The following PRKCZ variants were observed in gnomAD, a reference collection of about 807,000 sequenced individuals.
PRKCZ encodes the protein protein kinase C zeta type.
PRKCZ carries 33 observed loss-of-function variants against 79.5 expected under a neutral mutation model. The observed-to-expected ratio is 0.41, with a 90% confidence interval of 0.31 to 0.55. The LOEUF (loss-of-function observed/expected upper bound fraction) is 0.55, where lower values mean the gene tolerates loss of function less well. Ranked by LOEUF, PRKCZ falls within the 20% of genes least tolerant of loss-of-function variation. PRKCZ has a pLI of 0.19. For missense variants in PRKCZ, 578 were observed against 813.5 expected, an observed-to-expected ratio of 0.71 and a Z score of 3.52; for synonymous variants, 342 against 320.9, an observed-to-expected ratio of 1.07 and a Z score of -0.70.
chr1:2,090,304 C>G (rs934652838), intron 4 of PRKCZ, among the ~76,000 whole-genome samples: 2 of 152,172 alleles, frequency 1.3e-5, no homozygotes, highest in Admixed American at 1.3e-4. Flanking sequence ...GGTCTGCAGT[C>G]CTTGTAGTCA....
rs545922134 is a variant in PRKCZ at position 2,175,818 on chromosome 1, G to A, written c.1575+505G>A. Among the ~76,000 whole-genome samples the A allele has an allele frequency of 2.6e-5, 4 of 152,234 alleles. No homozygotes were observed. In the East Asian group the frequency reaches 7.8e-4, roughly 30 times the overall value. The stretch of plus-strand genomic sequence containing the variant: ...AGGGGCCGGACGAGCTCGGCCCATG[G>A]CGCTTCCTGGCAACCCTCGACTGTG... On this transcript the variant is annotated intron_variant, in intron 16 of 17. Transcript: ENST00000378567.
chr1:2,130,946 C>T (rs1347892570), intron 4 of PRKCZ, among the ~76,000 whole-genome samples: 4 of 151,982 alleles, frequency 2.6e-5, no homozygotes, highest in Non-Finnish European at 5.9e-5. Context: ...CTGACACACT[C>T]GGTCTCCACA....
At chr1:2,117,507 C>G (rs542255174) in intron 4 of PRKCZ, among the ~76,000 whole-genome samples, 1 of 151,986 alleles carries the variant, frequency 6.6e-6, no homozygotes, top group African/African-American at 2.4e-5. Flanking sequence ...TGTCAGTGAC[C>G]GGCTGTTTGT....
intron 6 of PRKCZ, 64 bp downstream of exon 6, chr1:2,144,405 A>G (rs2103118030): frequency 1.3e-6 from 2 of 1,533,968 alleles, no homozygotes; most frequent in East Asian, 2.5e-5. Context: ...CAGCCAGCCC[A>G]TTGTCCAAGC....
At chr1:2,157,020 CCAG>C (rs1681190956) in intron 10 of PRKCZ, among the ~76,000 whole-genome samples, 1 of 152,116 alleles carries the variant, frequency 6.6e-6, no homozygotes, top group South Asian at 2.1e-4. Context: ...GGCTGGAGGC[CCAG>C]GAGAGCCAGT....
intron 4 of PRKCZ, among the ~76,000 whole-genome samples, chr1:2,065,725 C>T (rs1398533236): frequency 6.6e-6 from 1 of 150,956 alleles, no homozygotes; most frequent in Non-Finnish European, 1.5e-5. Flanking sequence ...ATCATCCCTG[C>T]CTTTGTCCTG....
At position 2,128,252 on chromosome 1, in the gene PRKCZ, G is replaced by C. The variant is rs1310032549; in HGVS notation, c.335-7010G>C. On this transcript the variant is annotated intron_variant, in intron 4 of 17. Transcript: ENST00000378567. The surrounding 1 kb of genome is among the most constrained non-coding windows in gnomAD (Gnocchi z 6.5). ...TTGACCACTGCCTTGCACCCATCCG[G>C]GCCCCGCAGGGCCGTCCTGTGGCAC... Among the ~76,000 whole-genome samples, 1 of 152,154 alleles carries C rather than the reference G, an allele frequency of 6.6e-6. No individual in the cohort carries two copies. Among genetic ancestry groups the C allele is most frequent in the African/African-American group, 2.4e-5 (1 of 41,430 alleles).
rs549564308 is a variant in PRKCZ, at chr1:2,128,178, G to T, written c.335-7084G>T. Among the ~76,000 whole-genome samples, 4 of 152,324 alleles carry T rather than the reference G, an allele frequency of 2.6e-5. No homozygotes were observed. Among genetic ancestry groups the T allele is most frequent in the Admixed American group, 2.6e-4 (4 of 15,308 alleles). On this transcript the variant is annotated intron_variant, in intron 4 of 17. Coordinates refer to ENST00000378567, the MANE Select transcript of PRKCZ (RefSeq NM_002744.6). The surrounding 1 kb of genome is among the most constrained non-coding windows in gnomAD (Gnocchi z 6.5). ...ACCTCACTGTCTCCTTGTCCTCCTG[G>T]TCACTGACCTGGGCCACCATAGAAG...
intron 4 of PRKCZ, among the ~76,000 whole-genome samples, chr1:2,080,115 TTCCAGGTCCCA>T (rs1275590593): frequency 9.9e-5 from 15 of 152,218 alleles, no homozygotes; most frequent in African/African-American, 3.4e-4. Flanking sequence ...GCCCTCTGCC[TTCCAGGTCCCA>T]GGGCATCCAC....
At chr1:2,074,062 C>T (rs1661927612) in intron 4 of PRKCZ, 1 of 1,461,700 alleles carries the variant, frequency 6.8e-7, no homozygotes, top group South Asian at 1.4e-5. Flanking sequence ...TTGCCGCTGC[C>T]TGTGCGCTGC....
intron 1 of PRKCZ, chr1:2,051,006 C>A (rs750369457): frequency 1.3e-5 from 4 of 309,426 alleles, no homozygotes; most frequent in South Asian, 3.2e-4. Flanking sequence ...GTTCCGGCCG[C>A]AAACCTGTAA....
intron 10 of PRKCZ, among the ~76,000 whole-genome samples, chr1:2,164,718 T>C (rs1193207977): frequency 6.6e-6 from 1 of 152,366 alleles, no homozygotes; most frequent in African/African-American, 2.4e-5. Flanking sequence ...TCCTAATTTT[T>C]CAATTCCCGG....
chr1:2,090,264 A>C (rs1028559237), intron 4 of PRKCZ, among the ~76,000 whole-genome samples: 1 of 152,112 alleles, frequency 6.6e-6, no homozygotes, highest in Non-Finnish European at 1.5e-5. Flanking sequence ...TGGGGGCTGC[A>C]CCTTGGCAAG....
chr1:2,065,246 T>G (rs1379971040), intron 4 of PRKCZ, among the ~76,000 whole-genome samples: 1 of 152,228 alleles, frequency 6.6e-6, no homozygotes, highest in African/African-American at 2.4e-5. Flanking sequence ...CTGTGGAAAC[T>G]TTAGGGCTTT....
At chr1:2,158,869 C>T (rs1681646538) in intron 10 of PRKCZ, among the ~76,000 whole-genome samples, 1 of 152,104 alleles carries the variant, frequency 6.6e-6, no homozygotes, top group Non-Finnish European at 1.5e-5. Flanking sequence ...CAATCACTGT[C>T]CTGTGGGAGC....
chr1:2,157,309 CA>C (rs1451216941), intron 10 of PRKCZ, among the ~76,000 whole-genome samples: 4 of 152,214 alleles, frequency 2.6e-5, no homozygotes, highest in Non-Finnish European at 5.9e-5. Context: ...GTCCCGTGCC[CA>C]GTCAAGGTGA....
At chr1:2,055,296 G>A (rs566013061) in intron 1 of PRKCZ, 145 bp from the exon 2 acceptor site, 2 of 993,564 alleles carry the variant, frequency 2.0e-6, no homozygotes, top group Non-Finnish European at 2.8e-6. Flanking sequence ...TTTGTGTGTG[G>A]GAGGGGGGAG....
Position 2,121,161 on chromosome 1 carries a change from C to T in PRKCZ, c.335-14101C>T, listed in dbSNP as rs974546511. Among the ~76,000 whole-genome samples the T allele has an allele frequency of 2.0e-5, 3 of 152,168 alleles. No individual in the cohort carries two copies. In the East Asian group the frequency reaches 5.8e-4, roughly 29 times the overall value. On this transcript the variant is annotated intron_variant, in intron 4 of 17. Coordinates refer to ENST00000378567, the MANE Select transcript of PRKCZ (RefSeq NM_002744.6). ...GGGAATGTCTATTCTGTGTCCTTCT[C>T]ACGTGCAAAATACTGTCATTACATC...
chr1:2,055,587 G>A, intron 2 of PRKCZ, 25 bp downstream of exon 2: 1 of 1,606,308 alleles, frequency 6.2e-7, no homozygotes, highest in Non-Finnish European at 8.5e-7. Flanking sequence ...ATGTTGGCCA[G>A]AATCCTCAGC....
Sources: allele counts gnomAD v4.1 joint callset (sites outside exome capture counted in the v4.1 genomes callset), GRCh38; gene constraint gnomAD v4.1.1; non-coding constraint Gnocchi (gnomAD v3.1); transcripts MANE v1.5; gene names NCBI Gene and HGNC (gene_info 2026-07-23, HGNC 2026-07-21).